Variants in OPHN1 observed in about 807,000 individuals in gnomAD.
The protein encoded by OPHN1 is oligophrenin-1.
OPHN1 carries 11 observed loss-of-function variants against 60.7 expected under a neutral mutation model. The observed-to-expected ratio is 0.18, with a 90% CI of 0.11 to 0.30. The LOEUF is 0.30. Ranked by LOEUF, OPHN1 falls within the 10% of genes least tolerant of loss-of-function variation. The pLI, the probability that OPHN1 is intolerant of heterozygous loss-of-function variation, is 1.00. For missense variants in OPHN1, 449 were observed against 611.0 expected (o/e 0.73, Z 2.80); for synonymous variants, 226 against 222.6 (o/e 1.02, Z -0.14).
intron 3 of OPHN1, among the ~76,000 whole-genome samples, chrX:68,293,239 A>C: frequency 8.9e-6 from 1 of 112,392 alleles, no homozygotes; most frequent in Non-Finnish European, 1.9e-5. Flanking sequence ...TTGTAGAAAA[A>C]AATACCAACA....
chrX:68,135,490 G>T (rs898708454), intron 15 of OPHN1, among the ~76,000 whole-genome samples: 2 of 111,929 alleles, frequency 1.8e-5, no homozygotes, highest in Non-Finnish European at 3.8e-5. Context: ...TACTTTGAAT[G>T]AAATGAGAAA....
At chrX:68,178,377 C>T (rs185339342) in intron 15 of OPHN1, among the ~76,000 whole-genome samples, 18 of 111,458 alleles carry the variant, frequency 1.6e-4, no homozygotes, top group East Asian at 1.4e-3. Flanking sequence ...CTTTATCATA[C>T]GCTAAATTGC....
chrX:68,050,654 T>C (rs1246025111), intron 23 of OPHN1, among the ~76,000 whole-genome samples: 2 of 112,291 alleles, frequency 1.8e-5, no homozygotes, highest in African/African-American at 3.2e-5. Flanking sequence ...CCCCACAGCA[T>C]TTTTTCTGTC....
intron 2 of OPHN1, among the ~76,000 whole-genome samples, chrX:68,323,095 A>G (rs1373525893): frequency 9.0e-6 from 1 of 110,763 alleles, no homozygotes; most frequent in East Asian, 2.8e-4. Context: ...CGTTATGTAT[A>G]TTAACTAAGG....
At chrX:68,166,794 A>G (rs1233733620) in intron 15 of OPHN1, among the ~76,000 whole-genome samples, 1 of 111,958 alleles carries the variant, frequency 8.9e-6, no homozygotes, top group Non-Finnish European at 1.9e-5. Context: ...GGGAAAGGAC[A>G]GTCTCTCCAA....
intron 2 of OPHN1, among the ~76,000 whole-genome samples, chrX:68,366,227 G>T (rs1860373272): frequency 9.0e-6 from 1 of 111,024 alleles, no homozygotes; most frequent in Non-Finnish European, 1.9e-5. Flanking sequence ...AGGCCTAGCT[G>T]CCTTGCCTGC....
intron 15 of OPHN1, among the ~76,000 whole-genome samples, chrX:68,185,872 A>T (rs1434357966): frequency 9.1e-6 from 1 of 110,477 alleles, no homozygotes. Context: ...AAGCAGATGA[A>T]ATAAGGTATA....
chrX:68,195,653 G>A (rs987113447), intron 12 of OPHN1, among the ~76,000 whole-genome samples: 2 of 112,223 alleles, frequency 1.8e-5, no homozygotes, highest in African/African-American at 6.5e-5. Context: ...CATTAGTAAT[G>A]TGAGGTTGCA....
At chrX:68,349,858 A>G (rs2059915024) in intron 2 of OPHN1, among the ~76,000 whole-genome samples, 1 of 109,401 alleles carries the variant, frequency 9.1e-6, no homozygotes, top group African/African-American at 3.3e-5. Context: ...GAGTTAAACA[A>G]TGAGAACACA....
chrX:68,301,860 T>C (rs1233555717), intron 2 of OPHN1, among the ~76,000 whole-genome samples: 4 of 112,443 alleles, frequency 3.6e-5, no homozygotes, highest in Admixed American at 9.4e-5. Context: ...AGTTGGATAG[T>C]GCTTTTTAGG....
At chrX:68,150,864 T>C (rs1412656412) in intron 15 of OPHN1, among the ~76,000 whole-genome samples, 1 of 112,089 alleles carries the variant, frequency 8.9e-6, no homozygotes, top group Non-Finnish European at 1.9e-5. Context: ...AGTCTGAAAT[T>C]GGAATTCTAT....
At chrX:68,235,035 T>G (rs2077746054) in intron 5 of OPHN1, among the ~76,000 whole-genome samples, 1 of 112,100 alleles carries the variant, frequency 8.9e-6, no homozygotes, top group Non-Finnish European at 1.9e-5. Context: ...GTAAAACATT[T>G]CCAAAGAAAT....
intron 15 of OPHN1, among the ~76,000 whole-genome samples, chrX:68,164,704 A>T (rs181061362): frequency 8.9e-6 from 1 of 112,174 alleles, no homozygotes; most frequent in East Asian, 2.8e-4. Context: ...TGCATTAGCC[A>T]CTAACAAAAG....
intron 19 of OPHN1, among the ~76,000 whole-genome samples, chrX:68,095,110 T>A (rs1036747378): frequency 8.9e-6 from 1 of 112,220 alleles, no homozygotes; most frequent in Non-Finnish European, 1.9e-5. Flanking sequence ...ATACTTTACT[T>A]ACTTTGAATA....
chrX:68,100,971 C>A lies in OPHN1; in HGVS notation c.1527-3942G>T, dbSNP rs769496012. On this transcript the variant is annotated intron_variant, in intron 18 of 24. Coordinates refer to ENST00000355520, the MANE Select transcript of OPHN1 (RefSeq NM_002547.3). ...CCATGTTAGCCAGGATGGTCTCAATCTCCTGACCTCGTGATCCGCCCGCCT... is the reference window on the plus strand; with the variant it reads ...CCATGTTAGCCAGGATGGTCTCAATATCCTGACCTCGTGATCCGCCCGCCT... 6.3e-5 allele frequency among the ~76,000 whole-genome samples: 7 copies of A among 110,884 alleles called. No homozygotes were observed. In the South Asian group the frequency reaches 2.3e-3, roughly 37 times the overall value.
chrX:68,186,475 TAA>T (rs748164914), intron 15 of OPHN1, among the ~76,000 whole-genome samples: 11 of 77,217 alleles, frequency 1.4e-4, no homozygotes, highest in Admixed American at 4.4e-4. Flanking sequence ...AATATTACAG[TAA>T]AAAAAAAAAA....
intron 3 of OPHN1, among the ~76,000 whole-genome samples, chrX:68,295,809 T>C (rs1047805134): frequency 8.9e-6 from 1 of 112,106 alleles, no homozygotes; most frequent in East Asian, 2.8e-4. Context: ...TTCTGCTAAA[T>C]AACGAGTACC....
chrX:68,129,866 C>T (rs1252199690), intron 15 of OPHN1, among the ~76,000 whole-genome samples: 3 of 111,930 alleles, frequency 2.7e-5, no homozygotes, highest in African/African-American at 9.7e-5. Context: ...AGAAATAAGC[C>T]CATCATGCTC....
chrX:68,280,002 C>T (rs1207805019), intron 4 of OPHN1, among the ~76,000 whole-genome samples: 1 of 111,590 alleles, frequency 9.0e-6, no homozygotes, highest in Non-Finnish European at 1.9e-5. Context: ...CTAGTGCTAT[C>T]TGAATGAAAT....
Sources: gnomAD v4.1 joint callset for allele counts (sites outside exome capture counted in the v4.1 genomes callset) on GRCh38, gnomAD v4.1.1 for gene constraint, MANE v1.5 for transcripts, NCBI Gene and HGNC (gene_info 2026-07-23, HGNC 2026-07-21) for gene names.